CDIN1: variants seen among roughly 807,000 people sequenced by gnomAD.
CDIN1 encodes CDAN1-interacting nuclease 1.
In CDIN1, 33 loss-of-function variants were observed where a neutral mutation model predicts 45.3. The ratio of observed to expected loss-of-function variants is 0.73; its 90% confidence interval spans 0.55 to 0.97. CDIN1 has a LOEUF of 0.97. Among genes scored for constraint, CDIN1 ranks in the 50% least tolerant of loss-of-function variants. The pLI, the probability that CDIN1 is intolerant of heterozygous loss-of-function variation, is 0.00. For synonymous variants in CDIN1, 118 were observed against 124.4 expected (o/e 0.95, Z 0.34); for missense variants, 303 against 339.4 (o/e 0.89, Z 0.84).
intron 1 of CDIN1, among the ~76,000 whole-genome samples, chr15:36,620,001 G>T (rs1248753538): frequency 6.6e-6 from 1 of 151,890 alleles, no homozygotes; most frequent in African/African-American, 2.4e-5. Flanking sequence ...ATTGTACTTG[G>T]ACATGTGACT....
chr15:36,655,949 C>T (rs1049397725), intron 4 of CDIN1, among the ~76,000 whole-genome samples: 1 of 152,148 alleles, frequency 6.6e-6, no homozygotes, highest in Admixed American at 6.5e-5. Flanking sequence ...ATTTAACCTA[C>T]CAACACATTT....
chr15:36,592,550 C>G (rs895646527), intron 1 of CDIN1, among the ~76,000 whole-genome samples: 3 of 152,196 alleles, frequency 2.0e-5, no homozygotes, highest in African/African-American at 7.2e-5. Context: ...GAGACTCACA[C>G]TACTACCATG....
At chr15:36,580,118 T>A (rs1289332255) in intron 1 of CDIN1, among the ~76,000 whole-genome samples, 157 bp downstream of exon 1, 1 of 152,216 alleles carries the variant, frequency 6.6e-6, no homozygotes, top group Non-Finnish European at 1.5e-5. Flanking sequence ...AGGTTTATTC[T>A]TTCACTCGCC....
intron 4 of CDIN1, among the ~76,000 whole-genome samples, chr15:36,654,663 G>A (rs904433163): frequency 6.6e-6 from 1 of 152,074 alleles, no homozygotes; most frequent in Admixed American, 6.5e-5. Flanking sequence ...ATATGAAGAA[G>A]CATAGTGTTC....
At chr15:36,675,725 C>G (rs1019785529) in intron 5 of CDIN1, among the ~76,000 whole-genome samples, 5 of 152,224 alleles carry the variant, frequency 3.3e-5, no homozygotes, top group South Asian at 2.1e-4. Context: ...GTTAATTGTA[C>G]AACTATTTTT....
At chr15:36,599,753 G>A (rs1452782285) in intron 1 of CDIN1, among the ~76,000 whole-genome samples, 1 of 152,172 alleles carries the variant, frequency 6.6e-6, no homozygotes. Flanking sequence ...TCAGCTCCAC[G>A]ATGTTCTGAC....
chr15:36,760,511 T>A (rs773891015), intron 10 of CDIN1, among the ~76,000 whole-genome samples: 12 of 152,206 alleles, frequency 7.9e-5, no homozygotes, highest in Non-Finnish European at 1.6e-4. Context: ...ACCATCCAGT[T>A]CTTAGGAACT....
At chr15:36,665,332 T>C (rs571051744) in intron 5 of CDIN1, among the ~76,000 whole-genome samples, 28 of 152,298 alleles carry the variant, frequency 1.8e-4, no homozygotes, top group African/African-American at 6.7e-4. Flanking sequence ...TAGTGTAAAG[T>C]GTAGTCTATA....
Position 36,809,486 on chromosome 15 carries a change from T to G in CDIN1, c.*1033T>G, listed in dbSNP as rs1346118798. On this transcript the variant is annotated 3_prime_UTR_variant, in exon 11 of 11. Transcript: ENST00000566621. ...AGCAAAATAAAGGAGATTTTTCTAT[T>G]TGTTCACTTTAATTTATTCACTTTT... The G allele has an allele frequency of 6.6e-6, 1 of 152,336 alleles. No individual in the cohort carries two copies. The highest frequency in any genetic ancestry group is 1.9e-4 in the East Asian group (1 of 5,202). 9.4% of individuals were successfully genotyped at this position (152,336 alleles called of 1,614,324 possible). A position where few individuals can be genotyped will look rare whatever the true frequency, so the allele number is the denominator to read the frequency against.
At chr15:36,655,037 C>G (rs1180050680) in intron 4 of CDIN1, among the ~76,000 whole-genome samples, 1 of 152,146 alleles carries the variant, frequency 6.6e-6, no homozygotes, top group Non-Finnish European at 1.5e-5. Context: ...AAAGATGACT[C>G]GGTACTGTGA....
At chr15:36,608,925 A>G (rs28599634) in intron 1 of CDIN1, among the ~76,000 whole-genome samples, 17,719 of 152,036 alleles carry the variant, frequency 0.12, 1,056 homozygotes, top group Middle Eastern at 0.14. Context: ...ACACAAATAT[A>G]TATATTTAAA....
rs1262468221 is a variant in CDIN1 at position 36,809,235 on chromosome 15, A to G, written c.*782A>G. ...TTAGATTGGGGGCCGAGAGGCGACA[A>G]CCCAACATTGAGGAGAGTTTATTTT... is the stretch of plus-strand genomic sequence containing the variant. On this transcript the variant is annotated 3_prime_UTR_variant, in exon 11 of 11. Coordinates refer to ENST00000566621, the MANE Select transcript of CDIN1 (RefSeq NM_001321759.2). 4 of 260,202 alleles carry G rather than the reference A, an allele frequency of 1.5e-5. No individual in the cohort carries two copies. Among genetic ancestry groups the G allele is most frequent in the Non-Finnish European group, 3.1e-5 (4 of 130,380 alleles). 16.1% of individuals were successfully genotyped at this position (260,202 alleles called of 1,614,324 possible).
intron 10 of CDIN1, among the ~76,000 whole-genome samples, chr15:36,752,906 A>G (rs761029340): frequency 1.3e-4 from 20 of 152,196 alleles, no homozygotes; most frequent in East Asian, 3.8e-4. Flanking sequence ...TGGTCTGTCA[A>G]TTGTGAGATT....
At chr15:36,793,152 G>A (rs2054692499) in intron 10 of CDIN1, among the ~76,000 whole-genome samples, 1 of 152,062 alleles carries the variant, frequency 6.6e-6, no homozygotes, top group South Asian at 2.1e-4. Context: ...CTACCCCAGG[G>A]CCTTCTGCAT....
At position 36,645,261 on chromosome 15, in the gene CDIN1, G is replaced by A. The variant is rs188682528; in HGVS notation, c.186G>A (p.Ser62=). Residue 62 remains serine (S), a synonymous_variant, in exon 3 of 11, where the codon TCG becomes TCA. Coordinates refer to ENST00000566621, the MANE Select transcript of CDIN1 (RefSeq NM_001321759.2). ...IKRTHAKHHT[S]EAIESYYQRY... ...GAACACATGCCAAACATCATACTTC[G>A]GAAGCAATTGAAAGTTATTACCAGA... 110 of 1,552,896 alleles carry A rather than the reference G, an allele frequency of 7.1e-5. No individual in the cohort carries two copies. In the East Asian group the frequency reaches 1.2e-3, roughly 16 times the overall value.
chr15:36,716,889 A>G (rs1006536750), intron 10 of CDIN1, among the ~76,000 whole-genome samples: 1 of 152,308 alleles, frequency 6.6e-6, no homozygotes, highest in African/African-American at 2.4e-5. Context: ...TGAGGGGTTA[A>G]CAGTGAGAAC....
At chr15:36,808,016 CCATCAGCTAGGTAGTCA>C (rs1302219101) in intron 10 of CDIN1, among the ~76,000 whole-genome samples, 1 of 152,170 alleles carries the variant, frequency 6.6e-6, no homozygotes, top group African/African-American at 2.4e-5. Flanking sequence ...AATCTGTCCT[CCATCAGCTAGGTAGTCA>C]CATCAGCCCA....
At position 36,809,073 on chromosome 15, in the gene CDIN1, T is replaced by C. The variant is rs1470489946; in HGVS notation, c.*620T>C. 5.3e-6 allele frequency: 2 copies of C among 380,632 alleles called. No individual in the cohort carries two copies. Among genetic ancestry groups the C allele is most frequent in the Admixed American group, 6.4e-5 (2 of 31,146 alleles). The allele number at this position is 380,632 out of a possible 1,614,324, so 23.6% of individuals were successfully genotyped here. On this transcript the variant is annotated 3_prime_UTR_variant, in exon 11 of 11. Coordinates refer to ENST00000566621, the MANE Select transcript of CDIN1 (RefSeq NM_001321759.2). ...TATTCAATCTTTACGGCTTCCTGAC[T>C]TCTGTGACAGTAAGCCAAGTGCAAA...
intron 10 of CDIN1, among the ~76,000 whole-genome samples, chr15:36,781,245 A>G (rs1490530477): frequency 6.6e-6 from 1 of 152,176 alleles, no homozygotes; most frequent in Non-Finnish European, 1.5e-5. Flanking sequence ...CCATTTTTAG[A>G]CTACTTAAAA....
Sources: gnomAD v4.1 joint callset for allele counts (sites outside exome capture counted in the v4.1 genomes callset) on GRCh38, gnomAD v4.1.1 for gene constraint, MANE v1.5 for transcripts, NCBI Gene and HGNC (gene_info 2026-07-23, HGNC 2026-07-21) for gene names.